Variants in DNAJC3 observed in about 807,000 individuals in gnomAD.
DNAJC3 encodes the protein DnaJ heat shock protein family (Hsp40) member C3.
DNAJC3 carries 38 observed loss-of-function variants against 68.6 expected under a neutral mutation model. The ratio of observed to expected loss-of-function variants is 0.55; its 90% CI spans 0.43 to 0.73. The LOEUF (loss-of-function observed/expected upper bound fraction) is 0.73. Ranked by LOEUF, DNAJC3 falls within the 30% of genes least tolerant of loss-of-function variation. The pLI is 0.00. For synonymous variants in DNAJC3, 203 were observed against 204.0 expected (o/e 1.00, Z 0.04); for missense variants, 526 against 591.9 (o/e 0.89, Z 1.16).
intron 6 of DNAJC3, 47 bp from the exon 7 acceptor site, chr13:95,760,632 T>G (rs773732415): frequency 1.3e-5 from 20 of 1,560,066 alleles, no homozygotes; most frequent in Admixed American, 2.1e-5. Context: ...AACTACTCAT[T>G]GATTGTTTTG....
intron 1 of DNAJC3, chr13:95,695,580 A>G (rs1880415719): frequency 6.6e-6 from 1 of 152,282 alleles, no homozygotes; most frequent in Admixed American, 6.5e-5. Context: ...AGTCACATGA[A>G]TCAGATGATA....
At chr13:95,691,802 C>T (rs188480670) in intron 1 of DNAJC3, among the ~76,000 whole-genome samples, 16 of 152,358 alleles carry the variant, frequency 1.1e-4, no homozygotes, top group South Asian at 2.1e-4. Context: ...TCTGCAATCC[C>T]GGCACCTTGG....
chr13:95,765,714 G>T (rs560156835), intron 9 of DNAJC3, among the ~76,000 whole-genome samples: 65 of 151,878 alleles, frequency 4.3e-4, no homozygotes, highest in Non-Finnish European at 7.2e-4. Flanking sequence ...TGGGATTACA[G>T]GTGTGCACCA....
At chr13:95,758,082 C>T (rs932333369) in intron 5 of DNAJC3, among the ~76,000 whole-genome samples, 3 of 151,568 alleles carry the variant, frequency 2.0e-5, no homozygotes, top group East Asian at 1.9e-4. Context: ...AAAACTCTAG[C>T]GGTTAGATAA....
chr13:95,779,124 T>C (rs1028293098), intron 9 of DNAJC3, among the ~76,000 whole-genome samples: 14 of 126,608 alleles, frequency 1.1e-4, no homozygotes, highest in South Asian at 2.8e-4. Flanking sequence ...TCTTTCTTTT[T>C]TTTTTTTTTT....
At chr13:95,784,938 CCTGT>C (rs1304897837) in intron 9 of DNAJC3, among the ~76,000 whole-genome samples, 4 of 151,716 alleles carry the variant, frequency 2.6e-5, no homozygotes, top group Non-Finnish European at 5.9e-5. Context: ...TGACAGAGAC[CCTGT>C]CTCTTAAAAT....
chr13:95,681,546 G>C (rs1879910988), intron 1 of DNAJC3, among the ~76,000 whole-genome samples: 1 of 151,722 alleles, frequency 6.6e-6, no homozygotes, highest in Admixed American at 6.6e-5. Context: ...GTAGGGACAG[G>C]GTCTTCTATG....
intron 2 of DNAJC3, among the ~76,000 whole-genome samples, chr13:95,712,606 G>GACCTC (rs1467784772): frequency 6.6e-6 from 1 of 151,962 alleles, no homozygotes; most frequent in Non-Finnish European, 1.5e-5. Context: ...TGAACTTCCT[G>GACCTC]ACCTCAAGTC....
chr13:95,704,712 G>GCC (rs746612854), intron 1 of DNAJC3, among the ~76,000 whole-genome samples: 7 of 152,222 alleles, frequency 4.6e-5, no homozygotes, highest in Non-Finnish European at 8.8e-5. Flanking sequence ...CCACTAGGTG[G>GCC]CCAGCTGTCT....
intron 4 of DNAJC3, among the ~76,000 whole-genome samples, chr13:95,741,827 A>G (rs183549100): frequency 1.3e-5 from 2 of 152,228 alleles, no homozygotes; most frequent in African/African-American, 2.4e-5. Flanking sequence ...TCAGGTGCCA[A>G]TGGGTATAGA....
Position 95,790,992 on chromosome 13 carries a change from T to A in DNAJC3, c.1477T>A (p.Ser493Thr). The change falls in exon 12 of 12, where the codon TCA becomes ACA. Residue 493 changes from serine to threonine, a missense_variant. Ser to Thr is a moderately conservative substitution (Grantham distance 58). Transcript: ENST00000602402. ...ATGGCAAGGGTTCAATCCCTTCAGCTCAGGCGGACCATTTAGATTTAAATT... is the reference window on the plus strand; with the variant it reads ...ATGGCAAGGGTTCAATCCCTTCAGCACAGGCGGACCATTTAGATTTAAATT... ...NSWQGFNPFS[S>T]GGPFRFKFHF... The A allele has an allele frequency of 1.2e-6, 2 of 1,613,828 alleles. No individual in the cohort carries two copies. The highest frequency in any genetic ancestry group is 1.7e-6 in the Non-Finnish European group (2 of 1,179,920).
At chr13:95,698,597 T>A (rs983005184) in intron 1 of DNAJC3, among the ~76,000 whole-genome samples, 1 of 152,202 alleles carries the variant, frequency 6.6e-6, no homozygotes, top group Admixed American at 6.5e-5. Flanking sequence ...TCAGTGCAGA[T>A]GCACAGTGTT....
intron 1 of DNAJC3, among the ~76,000 whole-genome samples, chr13:95,678,025 T>C (rs976427669): frequency 1.3e-5 from 2 of 152,160 alleles, no homozygotes; most frequent in African/African-American, 2.4e-5. Context: ...GTAAAAAGGT[T>C]CCCTTAAAAA....
chr13:95,759,255 T>G (rs1241843419), intron 5 of DNAJC3, among the ~76,000 whole-genome samples: 1 of 152,198 alleles, frequency 6.6e-6, no homozygotes, highest in Non-Finnish European at 1.5e-5. Flanking sequence ...TTTCTTTCTT[T>G]TTCTTGATAT....
intron 1 of DNAJC3, among the ~76,000 whole-genome samples, chr13:95,705,616 C>T (rs1024030591): frequency 5.9e-5 from 9 of 151,768 alleles, no homozygotes; most frequent in African/African-American, 2.2e-4. Flanking sequence ...CAGACTTGAA[C>T]TCCTGGGCTC....
chr13:95,686,208 G>T (rs775223655), intron 1 of DNAJC3, among the ~76,000 whole-genome samples: 1 of 151,900 alleles, frequency 6.6e-6, no homozygotes, highest in Non-Finnish European at 1.5e-5. Flanking sequence ...TGAGCCACCC[G>T]CCTTGGCCTC....
At chr13:95,761,538 A>G (rs1882819581) in intron 7 of DNAJC3, among the ~76,000 whole-genome samples, 1 of 152,168 alleles carries the variant, frequency 6.6e-6, no homozygotes, top group Admixed American at 6.5e-5. Flanking sequence ...ACGCCTTGCA[A>G]AACTATAGTA....
At chr13:95,680,398 A>G (rs963667719) in intron 1 of DNAJC3, among the ~76,000 whole-genome samples, 18 of 152,154 alleles carry the variant, frequency 1.2e-4, no homozygotes, top group African/African-American at 4.3e-4. Flanking sequence ...TATTTGAACC[A>G]TGATAAGTTT....
intron 3 of DNAJC3, among the ~76,000 whole-genome samples, chr13:95,724,417 A>C (rs1257982616): frequency 6.6e-6 from 1 of 152,240 alleles, no homozygotes; most frequent in Non-Finnish European, 1.5e-5. Context: ...GGAATATCAG[A>C]TGAAGGGGGA....
Sources: allele counts gnomAD v4.1 joint callset (sites outside exome capture counted in the v4.1 genomes callset), GRCh38; gene constraint gnomAD v4.1.1; transcripts MANE v1.5; gene names NCBI Gene and HGNC (gene_info 2026-07-23, HGNC 2026-07-21).